The following SRPK2 variants were observed in gnomAD, a reference collection of about 807,000 sequenced individuals.
The protein encoded by SRPK2 is SFRS protein kinase 2.
SRPK2 carries 21 observed loss-of-function variants against 90.8 expected under a neutral mutation model. That is an observed-to-expected ratio of 0.23 (90% confidence interval 0.16 to 0.33). The LOEUF (loss-of-function observed/expected upper bound fraction) is 0.33, where lower values mean the gene tolerates loss of function less well. SRPK2 is among the 10% of genes least tolerant of loss of function. The probability of loss-of-function intolerance (pLI) is 1.00; values close to 1 mark genes in which losing one functional copy is unlikely to be tolerated. For missense variants in SRPK2, 620 were observed against 869.0 expected (o/e 0.71, Z 3.60); for synonymous variants, 288 against 311.1 (o/e 0.93, Z 0.78).
chr7:105,253,088 G>A (rs1230096475), intron 2 of SRPK2, among the ~76,000 whole-genome samples: 1 of 152,130 alleles, frequency 6.6e-6, no homozygotes, highest in Non-Finnish European at 1.5e-5. Flanking sequence ...ATAATTAACT[G>A]CGTAAAACCT....
At chr7:105,174,982 T>C (rs1791645401) in intron 3 of SRPK2, among the ~76,000 whole-genome samples, 1 of 151,934 alleles carries the variant, frequency 6.6e-6, no homozygotes, top group African/African-American at 2.4e-5. Flanking sequence ...CCTCTCTTAC[T>C]AAAAATACAA....
At chr7:105,183,130 T>C (rs774533092) in intron 3 of SRPK2, among the ~76,000 whole-genome samples, 1 of 152,202 alleles carries the variant, frequency 6.6e-6, no homozygotes, top group Admixed American at 6.5e-5. Flanking sequence ...AAGAAAATTA[T>C]TTAAATACAA....
chr7:105,150,653 G>A lies in SRPK2; in HGVS notation c.622-3995C>T, dbSNP rs534803943. 3.1e-4 allele frequency among the ~76,000 whole-genome samples: 47 copies of A among 152,274 alleles called. No individual in the cohort carries two copies. The Middle Eastern group carries it at 0.01, about 33-fold the overall frequency. On this transcript the variant is annotated intron_variant, in intron 7 of 15. Coordinates refer to ENST00000393651, the MANE Select transcript of SRPK2 (RefSeq NM_182692.3). ...ATCCAATGGGCTCATGTTATTCAAC[G>A]ACATTCATGCATCTTCCTGGTGCAA...
chr7:105,129,280 A>G (rs935395226), intron 13 of SRPK2, among the ~76,000 whole-genome samples: 6 of 152,224 alleles, frequency 3.9e-5, no homozygotes, highest in African/African-American at 1.4e-4. Flanking sequence ...TGAAGGCTGT[A>G]ATGCTACCCA....
At chr7:105,129,953 A>G (rs1349116975) in intron 13 of SRPK2, among the ~76,000 whole-genome samples, 4 of 152,204 alleles carry the variant, frequency 2.6e-5, no homozygotes, top group African/African-American at 9.6e-5. Flanking sequence ...AGGACTCACC[A>G]TGGAGTTCAT....
At chr7:105,259,749 A>T (rs183736269) in intron 2 of SRPK2, among the ~76,000 whole-genome samples, 236 of 152,234 alleles carry the variant, frequency 1.6e-3, no homozygotes, top group Middle Eastern at 6.8e-3. Flanking sequence ...ACAACCATCT[A>T]ATCTTTGACA....
chr7:105,336,848 G>A (rs1815150028), intron 2 of SRPK2, among the ~76,000 whole-genome samples: 1 of 152,152 alleles, frequency 6.6e-6, no homozygotes, highest in African/African-American at 2.4e-5. Flanking sequence ...TGTTGCCCAG[G>A]CTGGAGTGCA....
intron 9 of SRPK2, 40 bp downstream of exon 9, chr7:105,145,243 T>A: frequency 6.6e-7 from 1 of 1,522,718 alleles, no homozygotes; most frequent in African/African-American, 1.4e-5. Context: ...ACGGTCTCTT[T>A]TAACATGGTG....
At chr7:105,389,857 C>A (rs965292505), upstream of SRPK2, among the ~76,000 whole-genome samples, 6 of 152,212 alleles carry the variant, frequency 3.9e-5, no homozygotes, top group Non-Finnish European at 8.8e-5. Context: ...TGACTATTAA[C>A]TCCCTCATTG....
intron 3 of SRPK2, among the ~76,000 whole-genome samples, chr7:105,181,857 G>C (rs1792859608): frequency 7.2e-6 from 1 of 139,016 alleles, no homozygotes; most frequent in Non-Finnish European, 1.5e-5. Flanking sequence ...GCACATACAT[G>C]TACCCCTGAA....
chr7:105,293,479 G>A (rs921508023), intron 2 of SRPK2, among the ~76,000 whole-genome samples: 3 of 151,976 alleles, frequency 2.0e-5, no homozygotes, highest in African/African-American at 7.3e-5. Context: ...CAGAGTCTTT[G>A]CAACCTTCCC....
rs1799662748 is a variant in SRPK2, at chr7:105,233,078, GGAAA to G, written c.72-29297_72-29294del. ...AGGGAGGGAGCAAGGAAGGAAGGAA[GGAAA>G]GGAAGGAAAGAAGGAAGGAAGGAAG... is the stretch of plus-strand genomic sequence containing the variant. On this transcript the variant is annotated intron_variant, in intron 2 of 15. Coordinates refer to ENST00000393651, the MANE Select transcript of SRPK2 (RefSeq NM_182692.3). 2.4e-5 allele frequency among the ~76,000 whole-genome samples: 3 copies of G among 127,362 alleles called. No homozygotes were observed. In the Admixed American group the frequency reaches 2.6e-4, roughly 11 times the overall value. 83.6% of individuals were successfully genotyped at this position (127,362 alleles called of 152,430 possible). A position where few individuals can be genotyped will look rare whatever the true frequency, so the allele number is the denominator to read the frequency against.
In SRPK2 at chr7:105,280,947, CAAAAAAAAAAAAAAAAAAAAAAA is replaced by C. The variant is rs1158350206; in HGVS notation, c.72-77185_72-77163del. On this transcript the variant is annotated intron_variant, in intron 2 of 15. Coordinates refer to ENST00000393651, the MANE Select transcript of SRPK2 (RefSeq NM_182692.3). The stretch of plus-strand genomic sequence containing the variant: ...GGGCGACAGAGCGAAGACTCCATCT[CAAAAAAAAAAAAAAAAAAAAAAA>C]AAAAAAAAAAAAAAACCTTGTTTAT... Among the ~76,000 whole-genome samples, 100 of 43,326 alleles carry C rather than the reference CAAAAAAAAAAAAAAAAAAAAAAA, an allele frequency of 2.3e-3. 2 individuals are homozygous for C. The highest frequency in any genetic ancestry group is 3.0e-3 in the Non-Finnish European group (83 of 27,556). The allele number at this position is 43,326 out of a possible 152,430, so 28.4% of individuals were successfully genotyped here. A position where few individuals can be genotyped will look rare whatever the true frequency, so the allele number is the denominator to read the frequency against.
chr7:105,203,840 G>A, intron 2 of SRPK2, 55 bp from the exon 3 acceptor site: 1 of 1,542,830 alleles, frequency 6.5e-7, no homozygotes, highest in Non-Finnish European at 8.8e-7. Flanking sequence ...TTGCATTATG[G>A]ATGCATTTGA....
chr7:105,370,835 T>TG lies in SRPK2; in HGVS notation c.71+17812dup, dbSNP rs891512198. On this transcript the variant is annotated intron_variant, in intron 2 of 15. Coordinates refer to ENST00000393651, the MANE Select transcript of SRPK2 (RefSeq NM_182692.3). The stretch of plus-strand genomic sequence containing the variant: ...TTTACCATGTTGCCCAGGCTGGTCT[T>TG]GAACTCCTGACCTCAGGCAATCCAC... Among the ~76,000 whole-genome samples the TG allele has an allele frequency of 5.3e-5, 8 of 152,096 alleles. No homozygotes were observed. In the East Asian group the frequency reaches 1.4e-3, roughly 26 times the overall value.
chr7:105,339,984 G>A (rs2131858915), intron 2 of SRPK2, among the ~76,000 whole-genome samples: 1 of 151,818 alleles, frequency 6.6e-6, no homozygotes, highest in African/African-American at 2.4e-5. Flanking sequence ...CTTGAGTCCA[G>A]GAGGCGGAAA....
At chr7:105,261,624 A>T (rs1380707561) in intron 2 of SRPK2, among the ~76,000 whole-genome samples, 1 of 152,226 alleles carries the variant, frequency 6.6e-6, no homozygotes, top group East Asian at 1.9e-4. Context: ...CTATGCCAAT[A>T]CCACAGAAAG....
At chr7:105,358,611 G>C (rs1307882248) in intron 2 of SRPK2, among the ~76,000 whole-genome samples, 1 of 151,844 alleles carries the variant, frequency 6.6e-6, no homozygotes, top group Non-Finnish European at 1.5e-5. Flanking sequence ...ACCTGAGCCC[G>C]GGAGGCAAAG....
chr7:105,181,194 C>A (rs1260767521), intron 3 of SRPK2, among the ~76,000 whole-genome samples: 1 of 152,090 alleles, frequency 6.6e-6, no homozygotes, highest in Non-Finnish European at 1.5e-5. Context: ...GTCAGAATGG[C>A]TACTAAAAAG....
Sources: gnomAD v4.1 joint callset for allele counts (sites outside exome capture counted in the v4.1 genomes callset) on GRCh38, gnomAD v4.1.1 for gene constraint, MANE v1.5 for transcripts, NCBI Gene and HGNC (gene_info 2026-07-23, HGNC 2026-07-21) for gene names.